SSBP2: variants seen among roughly 807,000 people sequenced by gnomAD.
SSBP2 encodes single-stranded DNA-binding protein 2.
SSBP2 carries 17 observed loss-of-function variants against 61.8 expected under a neutral mutation model. That is an observed-to-expected ratio of 0.28 (90% confidence interval 0.19 to 0.41). The LOEUF (loss-of-function observed/expected upper bound fraction) is 0.41. Ranked by LOEUF, SSBP2 falls within the 10% of genes least tolerant of loss-of-function variation. The pLI is 1.00. For synonymous variants in SSBP2, 139 were observed against 141.3 expected (o/e 0.98, Z 0.12); for missense variants, 310 against 458.7 (o/e 0.68, Z 2.96).
chr5:81,701,087 T>C (rs1292694538), intron 1 of SSBP2, among the ~76,000 whole-genome samples: 1 of 152,218 alleles, frequency 6.6e-6, no homozygotes, highest in Non-Finnish European at 1.5e-5. Flanking sequence ...TCTTCTTCAT[T>C]AGGCTTAATC....
intron 3 of SSBP2, among the ~76,000 whole-genome samples, chr5:81,622,959 CAA>C (rs1746754322): frequency 6.6e-6 from 1 of 152,096 alleles, no homozygotes; most frequent in African/African-American, 2.4e-5. Flanking sequence ...ACAATAAAAA[CAA>C]AAATAATTTA....
chr5:81,645,873 G>C (rs1294259414), intron 2 of SSBP2, among the ~76,000 whole-genome samples: 1 of 152,032 alleles, frequency 6.6e-6, no homozygotes, highest in East Asian at 1.9e-4. Context: ...TGAATCAGAG[G>C]TAACACTGAG....
intron 1 of SSBP2, among the ~76,000 whole-genome samples, chr5:81,721,102 A>G (rs1345572475): frequency 6.6e-6 from 1 of 152,182 alleles, no homozygotes; most frequent in African/African-American, 2.4e-5. Flanking sequence ...AAGAGCCACA[A>G]TAGTAGGAAA....
chr5:81,647,130 T>G (rs954001920), intron 2 of SSBP2, among the ~76,000 whole-genome samples: 1 of 152,164 alleles, frequency 6.6e-6, no homozygotes, highest in Non-Finnish European at 1.5e-5. Flanking sequence ...ATATTTTCTC[T>G]TCTTTAGTTT....
chr5:81,542,097 T>C (rs962945028), intron 4 of SSBP2, among the ~76,000 whole-genome samples: 2 of 152,124 alleles, frequency 1.3e-5, no homozygotes, highest in African/African-American at 4.8e-5. Flanking sequence ...CATTAAAATA[T>C]GGGCAAAGAC....
At chr5:81,684,117 G>A (rs1021577020) in intron 1 of SSBP2, among the ~76,000 whole-genome samples, 2 of 152,102 alleles carry the variant, frequency 1.3e-5, no homozygotes, top group Admixed American at 6.5e-5. Context: ...TCAAAAAACT[G>A]AAAACTTATT....
At chr5:81,748,852 G>A (rs1292012628) in intron 1 of SSBP2, among the ~76,000 whole-genome samples, 1 of 151,932 alleles carries the variant, frequency 6.6e-6, no homozygotes, top group African/African-American at 2.4e-5. Flanking sequence ...AGCTAGAAAG[G>A]ACCACAGTTA....
intron 4 of SSBP2, among the ~76,000 whole-genome samples, chr5:81,560,405 G>A (rs1206660454): frequency 6.6e-6 from 1 of 152,154 alleles, no homozygotes; most frequent in Non-Finnish European, 1.5e-5. Flanking sequence ...AGAAAAGGTA[G>A]TAAGAGCTTA....
At position 81,489,341 on chromosome 5, in the gene SSBP2, C is replaced by T. The variant is rs746730357; in HGVS notation, c.373-32G>A. ...AAGTAAAACAAATAAACAAACAAAACAAAAAACAGTACAATGTAAAATACA... is the reference window on the plus strand; with the variant it reads ...AAGTAAAACAAATAAACAAACAAAATAAAAAACAGTACAATGTAAAATACA... On this transcript the variant is annotated intron_variant, in intron 5 of 16. Coordinates refer to ENST00000320672, the MANE Select transcript of SSBP2 (RefSeq NM_012446.5). The T allele has an allele frequency of 4.5e-6, 7 of 1,553,584 alleles. No homozygotes were observed. The Admixed American group carries it at 1.4e-4, about 31-fold the overall frequency.
chr5:81,496,784 T>C (rs1318937711), intron 5 of SSBP2, among the ~76,000 whole-genome samples: 1 of 152,194 alleles, frequency 6.6e-6, no homozygotes, highest in Non-Finnish European at 1.5e-5. Context: ...GCCATTTTAG[T>C]CTTCTTTTCT....
rs191834135 is a variant in SSBP2 at position 81,652,285 on chromosome 5, C to T, written c.63-1946G>A. On this transcript the variant is annotated intron_variant, in intron 1 of 16. Coordinates refer to ENST00000320672, the MANE Select transcript of SSBP2 (RefSeq NM_012446.5). ...TGTAACGTCTTCTTTTTCATATTAACGGGGGTAATATAGTTAGAAGCTTCT... is the reference window on the plus strand; with the variant it reads ...TGTAACGTCTTCTTTTTCATATTAATGGGGGTAATATAGTTAGAAGCTTCT... Among the ~76,000 whole-genome samples the T allele has an allele frequency of 1.1e-4, 16 of 152,144 alleles. No homozygotes were observed. The East Asian group carries it at 1.4e-3, about 13-fold the overall frequency.
chr5:81,593,941 C>A (rs769717218), intron 4 of SSBP2, among the ~76,000 whole-genome samples: 1 of 152,140 alleles, frequency 6.6e-6, no homozygotes, highest in Non-Finnish European at 1.5e-5. Flanking sequence ...AACTAACGAG[C>A]AAAATAATCA....
intron 4 of SSBP2, among the ~76,000 whole-genome samples, chr5:81,552,436 T>C (rs1271166872): frequency 1.3e-5 from 2 of 152,010 alleles, no homozygotes; most frequent in Non-Finnish European, 2.9e-5. Flanking sequence ...GACAGGAGTT[T>C]GAGACCAGCC....
At chr5:81,727,203 T>C (rs1755945624) in intron 1 of SSBP2, among the ~76,000 whole-genome samples, 1 of 152,248 alleles carries the variant, frequency 6.6e-6, no homozygotes. Context: ...GCATTGCCTA[T>C]AAAGTAGAAT....
intron 6 of SSBP2, 55 bp from the exon 7 acceptor site, chr5:81,474,617 GTTTT>G: frequency 7.5e-7 from 1 of 1,324,886 alleles, no homozygotes; most frequent in Non-Finnish European, 1.0e-6. Context: ...TATAAAATAA[GTTTT>G]TTAACAATTT....
intron 4 of SSBP2, among the ~76,000 whole-genome samples, chr5:81,593,385 G>A (rs906654786): frequency 3.3e-5 from 5 of 152,206 alleles, no homozygotes; most frequent in Admixed American, 6.5e-5. Context: ...TGAAAGTGAA[G>A]GGGAGAATGG....
chr5:81,556,203 T>C (rs1772587757), intron 4 of SSBP2, among the ~76,000 whole-genome samples: 1 of 152,090 alleles, frequency 6.6e-6, no homozygotes. Context: ...TATAGTGACC[T>C]TTTCCTACCA....
At chr5:81,543,061 G>C (rs1485764943) in intron 4 of SSBP2, among the ~76,000 whole-genome samples, 1 of 151,992 alleles carries the variant, frequency 6.6e-6, no homozygotes, top group African/African-American at 2.4e-5. Flanking sequence ...CACCATGGTG[G>C]CCAGGGTGGT....
At chr5:81,710,394 A>C (rs978022393) in intron 1 of SSBP2, among the ~76,000 whole-genome samples, 4 of 152,104 alleles carry the variant, frequency 2.6e-5, no homozygotes, top group Admixed American at 2.6e-4. Flanking sequence ...CTTGTGATAA[A>C]GAGTAGCTTT....
Sources: gnomAD v4.1 joint callset for allele counts (sites outside exome capture counted in the v4.1 genomes callset) on GRCh38, gnomAD v4.1.1 for gene constraint, MANE v1.5 for transcripts, NCBI Gene and HGNC (gene_info 2026-07-23, HGNC 2026-07-21) for gene names.